Variants in ADAM22 observed in about 807,000 individuals in gnomAD.
ADAM22 encodes ADAM metallopeptidase domain 22.
In ADAM22, 65 loss-of-function variants were observed where a neutral mutation model predicts 144.6. The observed-to-expected ratio is 0.45, with a 90% confidence interval of 0.37 to 0.55. ADAM22 has a LOEUF of 0.55. ADAM22 is among the 20% of genes least tolerant of loss of function. ADAM22 has a pLI of 0.00. For synonymous variants in ADAM22, 391 were observed against 412.6 expected (o/e 0.95, Z 0.63); for missense variants, 974 against 1,184.9 (o/e 0.82, Z 2.61).
chr7:88,151,454 G>T (rs1838362347), intron 20 of ADAM22, 134 bp downstream of exon 20: 6 of 993,258 alleles, frequency 6.0e-6, no homozygotes, highest in Non-Finnish European at 9.2e-6. Flanking sequence ...GGTCTTAGCA[G>T]GGGCATGTTT....
chr7:88,081,141 C>T (rs1036824706), intron 4 of ADAM22, among the ~76,000 whole-genome samples: 21 of 152,274 alleles, frequency 1.4e-4, no homozygotes, highest in African/African-American at 5.1e-4. Flanking sequence ...ACTTATCCAC[C>T]GTGATCAAGT....
intron 3 of ADAM22, among the ~76,000 whole-genome samples, chr7:88,034,197 G>A: frequency 6.6e-6 from 1 of 152,182 alleles, no homozygotes; most frequent in Admixed American, 6.5e-5. Context: ...CCCACGGCAT[G>A]TACTGCTTGG....
At chr7:88,007,887 A>G (rs1318887441) in intron 3 of ADAM22, among the ~76,000 whole-genome samples, 2 of 152,228 alleles carry the variant, frequency 1.3e-5, no homozygotes, top group African/African-American at 2.4e-5. Context: ...ACAAAAGCCA[A>G]AATTGACAAG....
intron 2 of ADAM22, among the ~76,000 whole-genome samples, chr7:87,954,827 A>G (rs1290420442): frequency 6.6e-6 from 1 of 152,178 alleles, no homozygotes; most frequent in African/African-American, 2.4e-5. Context: ...TATTTCTTGG[A>G]GGCTTTGCTC....
At chr7:88,102,105 A>G (rs939493111) in intron 4 of ADAM22, among the ~76,000 whole-genome samples, 3 of 152,240 alleles carry the variant, frequency 2.0e-5, no homozygotes, top group Admixed American at 6.5e-5. Context: ...ATCATGAACT[A>G]TCACATAATT....
chr7:88,073,926 T>C (rs183444956), intron 3 of ADAM22, among the ~76,000 whole-genome samples: 1 of 152,358 alleles, frequency 6.6e-6, no homozygotes, highest in East Asian at 1.9e-4. Flanking sequence ...CTGTTATGTT[T>C]ATTGGACAGA....
intron 3 of ADAM22, among the ~76,000 whole-genome samples, chr7:88,035,562 A>AT (rs1202420212): frequency 2.6e-5 from 4 of 152,200 alleles, no homozygotes; most frequent in Non-Finnish European, 4.4e-5. Flanking sequence ...GATCAAAAGT[A>AT]TTTTTTTAAA....
intron 3 of ADAM22, among the ~76,000 whole-genome samples, chr7:88,005,733 G>A (rs887320215): frequency 6.6e-6 from 1 of 152,110 alleles, no homozygotes; most frequent in South Asian, 2.1e-4. Flanking sequence ...CTAGGTCCAG[G>A]GTTGAATCCA....
chr7:88,161,136 C>T (rs1841506818), intron 22 of ADAM22, among the ~76,000 whole-genome samples: 1 of 150,286 alleles, frequency 6.7e-6, no homozygotes, highest in South Asian at 2.1e-4. Flanking sequence ...AAAACCAACC[C>T]CCCCACCCAA....
rs549584385 is a variant in ADAM22, at chr7:87,999,674, G to A, written c.323+21262G>A. On this transcript the variant is annotated intron_variant, in intron 3 of 31. Transcript: ENST00000413139. Reference sequence around the variant, plus strand: ...AGGGGAAACTTACGATGCTTATTCTGTTATCAGAATTGATTTGGATTTATG... The same window carrying A: ...AGGGGAAACTTACGATGCTTATTCTATTATCAGAATTGATTTGGATTTATG... Among the ~76,000 whole-genome samples, 7 of 152,188 alleles carry A rather than the reference G, an allele frequency of 4.6e-5. No individual in the cohort carries two copies. The South Asian group carries it at 1.4e-3, about 31-fold the overall frequency.
At chr7:87,954,785 A>G (rs1411301488) in intron 2 of ADAM22, among the ~76,000 whole-genome samples, 4 of 152,216 alleles carry the variant, frequency 2.6e-5, no homozygotes, top group Non-Finnish European at 5.9e-5. Context: ...TACACCAATC[A>G]GACGCAGATT....
chr7:88,093,983 C>T (rs1420369694), intron 4 of ADAM22, among the ~76,000 whole-genome samples: 2 of 152,084 alleles, frequency 1.3e-5, no homozygotes, highest in East Asian at 1.9e-4. Flanking sequence ...GAGAGATTTA[C>T]AGTGGAATAG....
chr7:88,011,851 G>A (rs890899973), intron 3 of ADAM22, among the ~76,000 whole-genome samples: 4 of 151,042 alleles, frequency 2.6e-5, no homozygotes, highest in Non-Finnish European at 5.9e-5. Flanking sequence ...ATTCTGTTTG[G>A]TGTTCTCTGA....
At chr7:87,972,720 C>T (rs1249193740) in intron 2 of ADAM22, among the ~76,000 whole-genome samples, 3 of 152,178 alleles carry the variant, frequency 2.0e-5, no homozygotes, top group African/African-American at 7.2e-5. Context: ...CAGCATGGTA[C>T]TGGTACCAAA....
chr7:88,068,222 G>A (rs1199372261), intron 3 of ADAM22, among the ~76,000 whole-genome samples: 1 of 152,078 alleles, frequency 6.6e-6, no homozygotes, highest in Admixed American at 6.6e-5. Flanking sequence ...GTTGGGGAGG[G>A]ATTCAGAGAA....
At chr7:88,095,599 T>C (rs1821040966) in intron 4 of ADAM22, among the ~76,000 whole-genome samples, 1 of 152,186 alleles carries the variant, frequency 6.6e-6, no homozygotes, top group African/African-American at 2.4e-5. Context: ...ATGCGTTTTC[T>C]TTCTAAGGTA....
chr7:88,032,519 G>C (rs1005081731), intron 3 of ADAM22, among the ~76,000 whole-genome samples: 6 of 152,198 alleles, frequency 3.9e-5, no homozygotes, highest in African/African-American at 1.4e-4. Flanking sequence ...GAAAGGACCT[G>C]CCTTGTCTCA....
intron 3 of ADAM22, among the ~76,000 whole-genome samples, chr7:88,060,258 T>G (rs1282085360): frequency 6.6e-6 from 1 of 152,202 alleles, no homozygotes; most frequent in Non-Finnish European, 1.5e-5. Flanking sequence ...AAATAACAAT[T>G]AAGTTTGCTG....
At chr7:88,033,533 G>A (rs2129469841) in intron 3 of ADAM22, among the ~76,000 whole-genome samples, 1 of 152,362 alleles carries the variant, frequency 6.6e-6, no homozygotes, top group South Asian at 2.1e-4. Flanking sequence ...CCCAAGGCCA[G>A]TGGTGACCAC....
Sources: gnomAD v4.1 joint callset for allele counts (sites outside exome capture counted in the v4.1 genomes callset) on GRCh38, gnomAD v4.1.1 for gene constraint, MANE v1.5 for transcripts, NCBI Gene and HGNC (gene_info 2026-07-23, HGNC 2026-07-21) for gene names.